FNIP2: variants seen among roughly 807,000 people sequenced by gnomAD.
FNIP2 encodes folliculin-interacting protein 2.
Under a neutral mutation model 108.7 loss-of-function variants are expected in FNIP2, and 32 were observed. The ratio of observed to expected loss-of-function variants is 0.29; its 90% confidence interval spans 0.22 to 0.40. The LOEUF (loss-of-function observed/expected upper bound fraction) is 0.40. Ranked by LOEUF, FNIP2 falls within the 10% of genes least tolerant of loss-of-function variation. The probability of loss-of-function intolerance (pLI) is 1.00; values close to 1 mark genes in which losing one functional copy is unlikely to be tolerated. For missense variants in FNIP2, 1,202 were observed against 1,381.6 expected (o/e 0.87, Z 2.06); for synonymous variants, 480 against 496.7 (o/e 0.97, Z 0.45).
intron 8 of FNIP2, among the ~76,000 whole-genome samples, chr4:158,851,839 A>G (rs965991945): frequency 3.3e-5 from 5 of 152,220 alleles, no homozygotes; most frequent in African/African-American, 9.6e-5. Context: ...TATGAAGTCA[A>G]GGGTTTGTGA....
chr4:158,783,684 A>G (rs966168628), intron 1 of FNIP2, among the ~76,000 whole-genome samples: 3 of 152,076 alleles, frequency 2.0e-5, no homozygotes, highest in Non-Finnish European at 2.9e-5. Context: ...TTAGTGAATT[A>G]GTGTGGCCTT....
intron 14 of FNIP2, among the ~76,000 whole-genome samples, chr4:158,888,462 G>A (rs554723723): frequency 3.3e-5 from 5 of 152,300 alleles, no homozygotes; most frequent in African/African-American, 1.2e-4. Flanking sequence ...CTGTGCTAGA[G>A]GCTAAGGATG....
At chr4:158,890,355 C>G in intron 14 of FNIP2, 3 of 985,088 alleles carry the variant, frequency 3.0e-6, no homozygotes, top group Non-Finnish European at 3.6e-6. Flanking sequence ...ACTATTCCCC[C>G]TTGGATAATA....
intron 1 of FNIP2, among the ~76,000 whole-genome samples, chr4:158,785,895 A>G (rs1391844786): frequency 6.6e-6 from 1 of 152,186 alleles, no homozygotes; most frequent in Non-Finnish European, 1.5e-5. Flanking sequence ...TGATTTACTC[A>G]GCATTTTGTT....
intron 1 of FNIP2, among the ~76,000 whole-genome samples, chr4:158,771,921 C>T (rs1367124516): frequency 6.6e-6 from 1 of 152,136 alleles, no homozygotes; most frequent in East Asian, 1.9e-4. Flanking sequence ...CTCATTCCTC[C>T]AGTTTTTACA....
intron 10 of FNIP2, among the ~76,000 whole-genome samples, chr4:158,860,798 A>G (rs551905709): frequency 3.3e-5 from 5 of 151,324 alleles, no homozygotes; most frequent in Middle Eastern, 3.4e-3. Context: ...CTGGGTTTAC[A>G]GGCGCGCGCC....
Position 158,870,428 on chromosome 4 carries a change from C to T in FNIP2, c.2908C>T (p.Leu970=). ...VLHGTGSDEK[L]KQCLVADLVH... is the part of the protein sequence containing the mutation. ...TCATGGGACCGGCAGTGATGAGAAG[C>T]TGAAGCAGTGCCTGGTGGCCGACCT... The change falls in exon 14 of 17, where the codon CTG becomes TTG. Residue 970 remains leucine, a synonymous_variant. Transcript: ENST00000264433. 6.2e-7 allele frequency: 1 copy of T among 1,613,946 alleles called. No homozygotes were observed. The highest frequency in any genetic ancestry group is 8.5e-7 in the Non-Finnish European group (1 of 1,179,846).
rs748161676 is a variant in FNIP2, at chr4:158,859,708, T to C, written c.1148+42T>C. The C allele has an allele frequency of 2.7e-6, 4 of 1,467,916 alleles. No homozygotes were observed. The Admixed American group carries it at 7.1e-5, about 26-fold the overall frequency. The allele number at this position is 1,467,916 out of a possible 1,614,324, so 90.9% of individuals were successfully genotyped here. A position where few individuals can be genotyped will look rare whatever the true frequency, so the allele number is the denominator to read the frequency against. ...TGGCAAATCCAACAGGAGATGTTTA[T>C]GAGCAGCCATGGATAAAGATAAACT... is the stretch of plus-strand genomic sequence containing the variant. On this transcript the variant is annotated intron_variant, in intron 10 of 16. Coordinates refer to ENST00000264433, the MANE Select transcript of FNIP2 (RefSeq NM_020840.3).
At chr4:158,811,659 T>TACACAC (rs34271944) in intron 1 of FNIP2, among the ~76,000 whole-genome samples, 4 of 151,336 alleles carry the variant, frequency 2.6e-5, no homozygotes, top group East Asian at 1.9e-4. Context: ...CTTTGTTGAT[T>TACACAC]ACACACACAC....
Position 158,892,352 on chromosome 4 carries a change from C to T in FNIP2, c.3150+706C>T, listed in dbSNP as rs181320419. Among the ~76,000 whole-genome samples the T allele has an allele frequency of 4.5e-4, 69 of 152,112 alleles. No homozygotes were observed. The Middle Eastern group carries it at 0.014, about 30-fold the overall frequency. ...GTTTTGCCATGTTGCTCAGTCTGGTCTCGAGTTCCTGGGCTCAAGCAATCC... is the reference window on the plus strand; with the variant it reads ...GTTTTGCCATGTTGCTCAGTCTGGTTTCGAGTTCCTGGGCTCAAGCAATCC... On this transcript the variant is annotated intron_variant, in intron 15 of 16. Transcript: ENST00000264433.
intron 10 of FNIP2, 47 bp downstream of exon 10, chr4:158,859,713 A>G: frequency 6.9e-7 from 1 of 1,456,124 alleles, no homozygotes; most frequent in Non-Finnish European, 9.6e-7. Flanking sequence ...GTTTATGAGC[A>G]GCCATGGATA....
chr4:158,839,384 C>T (rs891064480), intron 7 of FNIP2, among the ~76,000 whole-genome samples: 12 of 130,278 alleles, frequency 9.2e-5, no homozygotes, highest in South Asian at 2.4e-4. Flanking sequence ...TTTTTGGAGA[C>T]GGTCTTGCTT....
Position 158,868,371 on chromosome 4 carries a change from G to T in FNIP2, c.1735G>T (p.Val579Leu), listed in dbSNP as rs1044427279. The T allele has an allele frequency of 1.4e-5, 22 of 1,613,970 alleles. No homozygotes were observed. The highest frequency in any genetic ancestry group is 1.8e-5 in the Non-Finnish European group (21 of 1,179,888). ...TACGGTGAGGAACGAGCCCGCTCTT[G>T]TACCCCCCATCCTACCACCAACAGC... The part of the protein sequence containing the change: ...VITVRNEPAL[V>L]PPILPPTAAE... Residue 579 changes from valine (V) to leucine (L), a missense_variant, in exon 13 of 17, where the codon GTA becomes TTA. This residue lies in a region of FNIP2 where 878 missense variants were observed against 990.3 expected (regional missense o/e 0.89). Transcript: ENST00000264433. This position sits in a 1 kb window ranked among gnomAD's most constrained non-coding sequence, Gnocchi z 4.6.
intron 1 of FNIP2, chr4:158,806,350 G>A: frequency 7.8e-7 from 1 of 1,289,336 alleles, no homozygotes. Context: ...GATTTACAGG[G>A]CGCTTTTATG....
chr4:158,785,289 T>C (rs1004378223), intron 1 of FNIP2, among the ~76,000 whole-genome samples: 5 of 152,076 alleles, frequency 3.3e-5, no homozygotes, highest in African/African-American at 1.2e-4. Flanking sequence ...TTTCATCTTG[T>C]TGGCCAGGAT....
chr4:158,770,122 C>T (rs1775646941), intron 1 of FNIP2, among the ~76,000 whole-genome samples: 1 of 152,124 alleles, frequency 6.6e-6, no homozygotes, highest in Non-Finnish European at 1.5e-5. Flanking sequence ...ATAACTTAGG[C>T]GGCTTGCCCA....
chr4:158,893,601 A>G, intron 15 of FNIP2: 2 of 1,044,442 alleles, frequency 1.9e-6, no homozygotes, highest in Non-Finnish European at 2.9e-6. Flanking sequence ...GTCCTGGGGC[A>G]ATATGAGAAG....
intron 1 of FNIP2, among the ~76,000 whole-genome samples, chr4:158,804,878 T>C (rs1431966895): frequency 6.6e-6 from 1 of 152,228 alleles, no homozygotes; most frequent in Non-Finnish European, 1.5e-5. Context: ...TGGTTTTATC[T>C]TGATACTATC....
At position 158,831,385 on chromosome 4, in the gene FNIP2, A is replaced by G. The variant is rs1344340096; in HGVS notation, c.382-476A>G. 3.3e-5 allele frequency among the ~76,000 whole-genome samples: 5 copies of G among 152,344 alleles called. No individual in the cohort carries two copies. The East Asian group carries it at 5.8e-4, about 18-fold the overall frequency. On this transcript the variant is annotated intron_variant, in intron 3 of 16. Coordinates refer to ENST00000264433, the MANE Select transcript of FNIP2 (RefSeq NM_020840.3). The stretch of plus-strand genomic sequence containing the variant: ...TGTAAAACTTCAGAGTTATCAGACC[A>G]TCTGTTATCTTTTGGGCCCTCATAA...
Sources: allele counts gnomAD v4.1 joint callset (sites outside exome capture counted in the v4.1 genomes callset), GRCh38; gene constraint gnomAD v4.1.1; regional missense constraint gnomAD v4.1.1; non-coding constraint Gnocchi (gnomAD v3.1); transcripts MANE v1.5; gene names NCBI Gene and HGNC (gene_info 2026-07-23, HGNC 2026-07-21).